Variants in LYN observed in about 807,000 individuals in gnomAD.
LYN encodes the protein tyrosine-protein kinase Lyn.
LYN carries 12 observed loss-of-function variants against 65.0 expected under a neutral mutation model. The ratio of observed to expected loss-of-function variants is 0.18; its 90% confidence interval spans 0.12 to 0.30. LYN has a LOEUF of 0.30. Ranked by LOEUF, LYN falls within the 10% of genes least tolerant of loss-of-function variation. The pLI, the probability that LYN is intolerant of heterozygous loss-of-function variation, is 1.00. For synonymous variants in LYN, 222 were observed against 221.2 expected (o/e 1.00, Z -0.03); for missense variants, 380 against 623.2 (o/e 0.61, Z 4.16).
intron 10 of LYN, among the ~76,000 whole-genome samples, chr8:55,996,259 G>A (rs1808370699): frequency 6.6e-6 from 1 of 152,184 alleles, no homozygotes; most frequent in Admixed American, 6.5e-5. Flanking sequence ...CGGGGCAGAA[G>A]GTGAGGCCAG....
At chr8:55,932,623 G>C (rs1221501864) in intron 1 of LYN, among the ~76,000 whole-genome samples, 1 of 152,180 alleles carries the variant, frequency 6.6e-6, no homozygotes. Flanking sequence ...GTTTCGCCAT[G>C]TTGGCCAGGC....
chr8:56,001,025 A>C (rs546137907), intron 12 of LYN, among the ~76,000 whole-genome samples: 9 of 151,934 alleles, frequency 5.9e-5, no homozygotes, highest in African/African-American at 1.9e-4. Context: ...GCCTGCGTGG[A>C]GTGGCTTAGG....
intron 10 of LYN, 47 bp downstream of exon 10, chr8:55,969,840 T>G (rs776409265): frequency 3.4e-6 from 5 of 1,463,318 alleles, no homozygotes; most frequent in Non-Finnish European, 4.8e-6. Flanking sequence ...TGCAAAGACT[T>G]CCCTGCGTCA....
rs778952064 is a variant in LYN at position 55,966,907 on chromosome 8, T to C, written c.973+10T>C. On this transcript the variant is annotated intron_variant, in intron 9 of 12. Coordinates refer to ENST00000519728, the MANE Select transcript of LYN (RefSeq NM_002350.4). ...GAGTACATGGCCAAGGGTGAGTTCC[T>C]CCCACTGCCCAGAGCTTGCAAGGGC... 98 of 1,611,138 alleles carry C rather than the reference T, an allele frequency of 6.1e-5. No individual in the cohort carries two copies. In the East Asian group the frequency reaches 2.2e-3, roughly 36 times the overall value.
Position 56,012,891 on chromosome 8 carries a change from C to A in LYN, c.*2781C>A, listed in dbSNP as rs1808855919. The A allele has an allele frequency of 6.6e-6, 1 of 152,190 alleles. No homozygotes were observed. Among genetic ancestry groups the A allele is most frequent in the African/African-American group, 2.4e-5 (1 of 41,430 alleles). The allele number at this position is 152,190 out of a possible 1,614,324, so 9.4% of individuals were successfully genotyped here. ...AGAAGGAAGGAGGAAAAAAACGTGCCTTCCTTCCTGGTGAACATGAAGCTC... is the reference window on the plus strand; with the variant it reads ...AGAAGGAAGGAGGAAAAAAACGTGCATTCCTTCCTGGTGAACATGAAGCTC... On this transcript the variant is annotated 3_prime_UTR_variant, in exon 13 of 13. Coordinates refer to ENST00000519728, the MANE Select transcript of LYN (RefSeq NM_002350.4).
At chr8:55,902,760 A>C (rs760246078) in intron 1 of LYN, 34 of 513,746 alleles carry the variant, frequency 6.6e-5, no homozygotes, top group Non-Finnish European at 1.2e-4. Flanking sequence ...TGCAATATGC[A>C]TACTGTGATG....
chr8:55,956,190 G>A (rs1227178872), intron 8 of LYN, among the ~76,000 whole-genome samples: 1 of 151,958 alleles, frequency 6.6e-6, no homozygotes, highest in Non-Finnish European at 1.5e-5. Flanking sequence ...GAATGGGGCA[G>A]GAATAGTATA....
chr8:55,910,099 C>G (rs1048422719), intron 1 of LYN, among the ~76,000 whole-genome samples: 1 of 150,690 alleles, frequency 6.6e-6, no homozygotes, highest in South Asian at 2.1e-4. Context: ...TGCAGGTTGT[C>G]GGTTCATTCC....
At chr8:55,944,515 T>G (rs905050494) in intron 2 of LYN, among the ~76,000 whole-genome samples, 1 of 152,200 alleles carries the variant, frequency 6.6e-6, no homozygotes, top group Non-Finnish European at 1.5e-5. Context: ...AGATTTGCTC[T>G]TGTTGCCCAG....
chr8:55,997,053 CG>C (rs1170676197), intron 10 of LYN, among the ~76,000 whole-genome samples: 1 of 150,992 alleles, frequency 6.6e-6, no homozygotes, highest in African/African-American at 2.4e-5. Context: ...CCCAGCTACT[CG>C]GGAGGCTGAG....
rs1238580679 is a variant in LYN at position 55,918,665 on chromosome 8, A to G, written c.-5-23190A>G. Among the ~76,000 whole-genome samples, 3 of 152,140 alleles carry G rather than the reference A, an allele frequency of 2.0e-5. No homozygotes were observed. The South Asian group carries it at 6.2e-4, about 32-fold the overall frequency. On this transcript the variant is annotated intron_variant, in intron 1 of 12. Transcript: ENST00000519728. ...CAGGTGTTCGGGGTTGTCTCGGTTA[A>G]TCCTTACTATGGCCTTGCGGGGTAG...
chr8:55,903,964 T>C (rs1387149064), intron 1 of LYN, among the ~76,000 whole-genome samples: 1 of 151,842 alleles, frequency 6.6e-6, no homozygotes, highest in Non-Finnish European at 1.5e-5. Context: ...GCAGCTGCAC[T>C]GGGCTGTGAT....
intron 7 of LYN, 36 bp from the exon 8 acceptor site, chr8:55,953,796 G>T: frequency 6.2e-7 from 1 of 1,606,564 alleles, no homozygotes; most frequent in Non-Finnish European, 8.5e-7. Flanking sequence ...ACAAAGTATT[G>T]CATTTCTTAA....
intron 10 of LYN, among the ~76,000 whole-genome samples, chr8:55,993,251 A>G (rs997785209): frequency 1.3e-5 from 2 of 152,224 alleles, no homozygotes; most frequent in African/African-American, 4.8e-5. Flanking sequence ...GACAACCTAA[A>G]CAAAGTTTTG....
chr8:55,949,732 T>C (rs1243398822), intron 4 of LYN, among the ~76,000 whole-genome samples: 1 of 152,220 alleles, frequency 6.6e-6, no homozygotes, highest in Non-Finnish European at 1.5e-5. Flanking sequence ...TGGCTTCTTT[T>C]CTTTGTCTCT....
At chr8:55,989,418 C>T (rs1385502820) in intron 10 of LYN, among the ~76,000 whole-genome samples, 1 of 152,196 alleles carries the variant, frequency 6.6e-6, no homozygotes, top group Non-Finnish European at 1.5e-5. Context: ...CTGGTGTGGT[C>T]ATAGGCAACC....
chr8:55,956,274 C>T (rs1037299753), intron 8 of LYN, among the ~76,000 whole-genome samples: 7 of 152,098 alleles, frequency 4.6e-5, no homozygotes, highest in African/African-American at 9.7e-5. Context: ...CTTTTATATA[C>T]GTACACATAC....
chr8:55,933,397 T>C (rs1486516813), intron 1 of LYN, among the ~76,000 whole-genome samples: 2 of 152,216 alleles, frequency 1.3e-5, no homozygotes, highest in Admixed American at 6.5e-5. Flanking sequence ...CTATATGGTA[T>C]TCCAAACAGT....
intron 1 of LYN, among the ~76,000 whole-genome samples, chr8:55,885,545 C>T (rs1039790257): frequency 6.6e-6 from 1 of 152,170 alleles, no homozygotes; most frequent in Non-Finnish European, 1.5e-5. Context: ...TACCCTTGGG[C>T]GCTGGTACAG....
Sources: gnomAD v4.1 joint callset for allele counts (sites outside exome capture counted in the v4.1 genomes callset) on GRCh38, gnomAD v4.1.1 for gene constraint, MANE v1.5 for transcripts, NCBI Gene and HGNC (gene_info 2026-07-23, HGNC 2026-07-21) for gene names.